The following DHX57 variants were observed in gnomAD, a reference collection of about 807,000 sequenced individuals.
The protein encoded by DHX57 is putative ATP-dependent RNA helicase DHX57.
Under a neutral mutation model 156.2 loss-of-function variants are expected in DHX57, and 105 were observed. That is an observed-to-expected ratio of 0.67 (90% CI 0.57 to 0.79). The LOEUF is 0.79. Among genes scored for constraint, DHX57 ranks in the 30% least tolerant of loss-of-function variants. The probability of loss-of-function intolerance (pLI) is 0.00; values close to 1 mark genes in which losing one functional copy is unlikely to be tolerated. For missense variants in DHX57, 1,847 were observed against 1,661.9 expected (o/e 1.11, Z -1.94); for synonymous variants, 704 against 595.6 (o/e 1.18, Z -2.65).
In DHX57 at chr2:38,861,079, G is replaced by C; in HGVS notation, c.1331C>G (p.Ser444Cys). The C allele has an allele frequency of 6.2e-7, 1 of 1,614,200 alleles. No individual in the cohort carries two copies. Among genetic ancestry groups the C allele is most frequent in the Non-Finnish European group, 8.5e-7 (1 of 1,180,026 alleles). ...DPPVNFLPVP[S>C]RTRINNPACH... is the part of the protein sequence containing the mutation. ...GGCAGGATTATTTATTCTGGTCCTA[G>C]AGGGTACTGGCAGAAAGTTCACAGG... The change falls in exon 5 of 24, where the codon TCT (serine) becomes TGT (cysteine). Residue 444 changes from serine (S) to cysteine (C), a missense_variant. Transcript: ENST00000457308.
rs370039258 is a variant in DHX57 at position 38,835,157 on chromosome 2, G to GT, written c.2542+2673dup. On this transcript the variant is annotated intron_variant, in intron 13 of 23. Coordinates refer to ENST00000457308, the MANE Select transcript of DHX57 (RefSeq NM_198963.3). ...ATTAAGAAAATCATTGAGGAGAAAT[G>GT]TATCTGCCTGAAAAGGTTCCAAATA... 2.8e-3 allele frequency among the ~76,000 whole-genome samples: 426 copies of GT among 152,250 alleles called. 3 individuals are homozygous for GT. Among genetic ancestry groups the GT allele is most frequent in the African/African-American group, 9.8e-3 (406 of 41,544 alleles).
intron 19 of DHX57, among the ~76,000 whole-genome samples, chr2:38,816,381 A>G (rs544389481): frequency 4.0e-5 from 6 of 151,444 alleles, no homozygotes; most frequent in East Asian, 1.9e-4. Context: ...CGCCCAGCCA[A>G]TTTTTGTATT....
chr2:38,872,609 A>G (rs1665405963), intron 1 of DHX57, among the ~76,000 whole-genome samples: 1 of 152,270 alleles, frequency 6.6e-6, no homozygotes, highest in Non-Finnish European at 1.5e-5. Context: ...AACAGACTTT[A>G]AAGCAAAAAA....
At chr2:38,813,652 G>A (rs1244006704) in intron 21 of DHX57, among the ~76,000 whole-genome samples, 169 bp downstream of exon 21, 1 of 152,156 alleles carries the variant, frequency 6.6e-6, no homozygotes, top group Non-Finnish European at 1.5e-5. Flanking sequence ...GATTACAGGC[G>A]TGAGCCACCG....
In DHX57 at chr2:38,810,248, C is replaced by G. The variant is rs142957067; in HGVS notation, c.3682-3555G>C. On this transcript the variant is annotated intron_variant, in intron 21 of 23. Coordinates refer to ENST00000457308, the MANE Select transcript of DHX57 (RefSeq NM_198963.3). ...GTCATTTTATAGCTCCCCACTGTAG[C>G]TGCCCCTCACCCTTCCCTTTGATGA... Among the ~76,000 whole-genome samples, 443 of 150,118 alleles carry G rather than the reference C, an allele frequency of 3.0e-3. 1 individual carries two copies. The highest frequency in any genetic ancestry group is 0.01 in the African/African-American group (421 of 40,738).
intron 12 of DHX57, among the ~76,000 whole-genome samples, chr2:38,838,336 G>A (rs1248709640): frequency 6.6e-6 from 1 of 152,106 alleles, no homozygotes; most frequent in African/African-American, 2.4e-5. Flanking sequence ...CCCAGGCTAA[G>A]GCAGTCCTCC....
chr2:38,811,811 T>C (rs1670264405), intron 21 of DHX57, among the ~76,000 whole-genome samples: 1 of 152,230 alleles, frequency 6.6e-6, no homozygotes, highest in Non-Finnish European at 1.5e-5. Context: ...TATATCTCCT[T>C]TTCCTTTTTG....
intron 9 of DHX57, among the ~76,000 whole-genome samples, chr2:38,849,436 G>C (rs1672466281): frequency 6.6e-6 from 1 of 152,212 alleles, no homozygotes; most frequent in African/African-American, 2.4e-5. Flanking sequence ...TGCTGACGGG[G>C]TGCGGTGGCT....
chr2:38,850,420 A>AT (rs1367695063), intron 9 of DHX57, among the ~76,000 whole-genome samples: 1 of 151,694 alleles, frequency 6.6e-6, no homozygotes, highest in Non-Finnish European at 1.5e-5. Context: ...GCTGGGGCTA[A>AT]TTTTTTTGTT....
chr2:38,828,218 C>A (rs1481940714), intron 14 of DHX57, 122 bp downstream of exon 14: 1 of 616,120 alleles, frequency 1.6e-6, no homozygotes, highest in East Asian at 3.3e-5. Context: ...TTGCTCATTT[C>A]CAGCTGGCAT....
chr2:38,802,156 C>T (rs1669712426), intron 23 of DHX57, among the ~76,000 whole-genome samples: 2 of 152,130 alleles, frequency 1.3e-5, no homozygotes, highest in African/African-American at 4.8e-5. Context: ...TCTGTCCTAG[C>T]CTTTTATACT....
At chr2:38,809,013 C>T (rs1670097900) in intron 21 of DHX57, among the ~76,000 whole-genome samples, 1 of 152,096 alleles carries the variant, frequency 6.6e-6, no homozygotes, top group Admixed American at 6.6e-5. Context: ...TAACTGTGGC[C>T]TTGAACTCCT....
intron 19 of DHX57, among the ~76,000 whole-genome samples, chr2:38,817,170 G>C (rs1429635703): frequency 6.6e-6 from 1 of 152,016 alleles, no homozygotes; most frequent in Non-Finnish European, 1.5e-5. Context: ...GGGCTCAAAG[G>C]TTCTGCCTGC....
At chr2:38,827,505 A>AAG (rs1553326974) in intron 14 of DHX57, among the ~76,000 whole-genome samples, 2 of 10,142 alleles carry the variant, frequency 2.0e-4, no homozygotes, top group Non-Finnish European at 8.5e-4. Context: ...AAAAAAAAAA[A>AAG]ATATATATAT....
intron 22 of DHX57, among the ~76,000 whole-genome samples, chr2:38,805,782 A>G (rs1295845965): frequency 6.6e-6 from 1 of 152,022 alleles, no homozygotes; most frequent in Admixed American, 6.6e-5. Flanking sequence ...AAAGACTTCT[A>G]GCTGATGTTT....
At chr2:38,804,603 C>T (rs1051421414) in intron 22 of DHX57, among the ~76,000 whole-genome samples, 1 of 152,162 alleles carries the variant, frequency 6.6e-6, no homozygotes, top group African/African-American at 2.4e-5. Flanking sequence ...GCCATGGCTA[C>T]CAGGTCCACC....
Position 38,826,587 on chromosome 2 carries a change from G to A in DHX57, c.2742C>T (p.Asn914=). The A allele has an allele frequency of 6.2e-7, 1 of 1,614,132 alleles. No individual in the cohort carries two copies. The highest frequency in any genetic ancestry group is 8.5e-7 in the Non-Finnish European group (1 of 1,180,010). The change falls in exon 15 of 24, where the codon AAC becomes AAT. Residue 914 remains asparagine (N), a synonymous_variant. Coordinates refer to ENST00000457308, the MANE Select transcript of DHX57 (RefSeq NM_198963.3). ...AGVTKIIIST[N]IAETSITIDD... is the part of the protein sequence containing the mutation. ...CGATGGTTATGGATGTCTCAGCAAT[G>A]TTGGTGGAAATTATAATCTTAGTTA...
intron 16 of DHX57, among the ~76,000 whole-genome samples, chr2:38,825,139 A>G (rs991269826): frequency 1.3e-5 from 2 of 152,208 alleles, no homozygotes; most frequent in East Asian, 1.9e-4. Context: ...TTTACTTCAC[A>G]TACAGCTCCT....
chr2:38,873,956 G>T (rs1204202620), intron 1 of DHX57, among the ~76,000 whole-genome samples: 2 of 152,124 alleles, frequency 1.3e-5, no homozygotes, highest in African/African-American at 4.8e-5. Flanking sequence ...ACAGGGGATT[G>T]GTTCCAGAAC....
Sources: gnomAD v4.1 joint callset for allele counts (sites outside exome capture counted in the v4.1 genomes callset) on GRCh38, gnomAD v4.1.1 for gene constraint, MANE v1.5 for transcripts, NCBI Gene and HGNC (gene_info 2026-07-23, HGNC 2026-07-21) for gene names.